Variants in CMKLR1 observed in about 807,000 individuals in gnomAD.
CMKLR1 encodes chemerin chemokine-like receptor 1, also known as chemerin-like receptor 1.
In CMKLR1, 6 loss-of-function variants were observed where a neutral mutation model predicts 8.2. The ratio of observed to expected loss-of-function variants is 0.73; its 90% CI spans 0.40 to 1.44. The LOEUF (loss-of-function observed/expected upper bound fraction) is 1.44, where lower values mean the gene tolerates loss of function less well. Among genes scored for constraint, CMKLR1 ranks in the 40% most tolerant of loss-of-function variants. CMKLR1 has a pLI of 0.02. For synonymous variants in CMKLR1, 178 were observed against 181.2 expected (o/e 0.98, Z 0.14); for missense variants, 429 against 478.0 (o/e 0.90, Z 0.96).
chr12:108,309,372 C>A (rs1281568715), intron 2 of CMKLR1, among the ~76,000 whole-genome samples: 1 of 152,120 alleles, frequency 6.6e-6, no homozygotes, highest in Admixed American at 6.5e-5. Context: ...CCTGAATACA[C>A]AGAGAGGGAG....
intron 2 of CMKLR1, among the ~76,000 whole-genome samples, chr12:108,317,275 G>A (rs1891757821): frequency 6.6e-6 from 1 of 152,196 alleles, no homozygotes. Flanking sequence ...GTGCTCTAGA[G>A]GTTCTCTTCA....
chr12:108,310,498 G>A (rs1290927068), intron 2 of CMKLR1, among the ~76,000 whole-genome samples: 1 of 152,170 alleles, frequency 6.6e-6, no homozygotes, highest in Non-Finnish European at 1.5e-5. Flanking sequence ...CCAGGCATCA[G>A]GATGTCCCAT....
chr12:108,311,838 CG>C (rs1291089664), intron 2 of CMKLR1, among the ~76,000 whole-genome samples: 3 of 152,122 alleles, frequency 2.0e-5, no homozygotes, highest in Admixed American at 6.5e-5. Flanking sequence ...GCTGGGGGCA[CG>C]GAAGGACTGC....
chr12:108,307,298 T>C (rs1323856751), intron 2 of CMKLR1, among the ~76,000 whole-genome samples: 3 of 152,176 alleles, frequency 2.0e-5, no homozygotes, highest in African/African-American at 7.2e-5. Flanking sequence ...GCACTTGGTG[T>C]GCTGTTCTGG....
intron 2 of CMKLR1, among the ~76,000 whole-genome samples, chr12:108,298,903 C>T (rs766103489): frequency 1.3e-5 from 2 of 152,224 alleles, no homozygotes; most frequent in Non-Finnish European, 2.9e-5. Flanking sequence ...CTGGGACGGT[C>T]CCAGGAGGGC....
In CMKLR1 at chr12:108,317,813, T is replaced by C. The variant is rs1426274992; in HGVS notation, c.-74+12182A>G. ...ATCTAAAACTATAGAAAGATTAGAA[T>C]GAAAAATCTTGCTCCTACCTGCCAC... On this transcript the variant is annotated intron_variant, in intron 2 of 3. Transcript: ENST00000550402. 4 of 152,328 alleles carry C rather than the reference T, an allele frequency of 2.6e-5. No individual in the cohort carries two copies. In the East Asian group the frequency reaches 7.7e-4, roughly 29 times the overall value. 9.4% of individuals were successfully genotyped at this position (152,328 alleles called of 1,614,324 possible). A position where few individuals can be genotyped will look rare whatever the true frequency, so the allele number is the denominator to read the frequency against.
intron 2 of CMKLR1, among the ~76,000 whole-genome samples, chr12:108,305,759 G>A (rs1014099569): frequency 6.6e-6 from 1 of 152,220 alleles, no homozygotes; most frequent in Non-Finnish European, 1.5e-5. Context: ...CCACATGTGG[G>A]AGCTCGCACT....
chr12:108,314,768 A>C (rs1891673128), intron 2 of CMKLR1, among the ~76,000 whole-genome samples: 1 of 151,842 alleles, frequency 6.6e-6, no homozygotes, highest in Non-Finnish European at 1.5e-5. Context: ...TTATTATTTT[A>C]ATTTTTGGAG....
At chr12:108,316,509 C>T (rs11113813) in intron 2 of CMKLR1, among the ~76,000 whole-genome samples, 3 of 151,904 alleles carry the variant, frequency 2.0e-5, no homozygotes, top group Admixed American at 2.0e-4. Context: ...AGAAGAAAGA[C>T]GAAGGCAGGG....
At chr12:108,316,387 C>T (rs886095404) in intron 2 of CMKLR1, among the ~76,000 whole-genome samples, 5 of 151,976 alleles carry the variant, frequency 3.3e-5, no homozygotes, top group Non-Finnish European at 7.4e-5. Context: ...TCAACGTAGA[C>T]AGAAAGAGAG....
chr12:108,320,199 G>A (rs1006268800), intron 2 of CMKLR1, among the ~76,000 whole-genome samples: 197 of 151,984 alleles, frequency 1.3e-3, no homozygotes, highest in African/African-American at 4.6e-3. Flanking sequence ...TGGAGAAGAA[G>A]GTTGTGAACT....
intron 2 of CMKLR1, among the ~76,000 whole-genome samples, chr12:108,304,349 G>C (rs1279251070): frequency 6.6e-6 from 1 of 152,160 alleles, no homozygotes; most frequent in African/African-American, 2.4e-5. Context: ...TCCCCTGCCG[G>C]TGTGTGTCCT....
chr12:108,326,979 T>C (rs1192639060), intron 2 of CMKLR1, among the ~76,000 whole-genome samples: 1 of 152,036 alleles, frequency 6.6e-6, no homozygotes, highest in African/African-American at 2.4e-5. Context: ...CTCTAATTTA[T>C]AAGTGAAAAA....
At chr12:108,300,716 A>G (rs949659834) in intron 2 of CMKLR1, among the ~76,000 whole-genome samples, 1 of 152,216 alleles carries the variant, frequency 6.6e-6, no homozygotes, top group African/African-American at 2.4e-5. Context: ...ATATTGGTGC[A>G]ATGGGGATAA....
At chr12:108,319,795 A>C (rs1891816857) in intron 2 of CMKLR1, among the ~76,000 whole-genome samples, 1 of 152,088 alleles carries the variant, frequency 6.6e-6, no homozygotes, top group South Asian at 2.1e-4. Flanking sequence ...TGGTTTAAAA[A>C]CAAAACAAAA....
At chr12:108,332,437 C>A (rs575256057) in intron 1 of CMKLR1, among the ~76,000 whole-genome samples, 3 of 152,278 alleles carry the variant, frequency 2.0e-5, no homozygotes, top group Admixed American at 1.3e-4. Flanking sequence ...ATTAATCCTG[C>A]ATGTGTCTGT....
At chr12:108,296,410 C>A (rs1270153132) in intron 2 of CMKLR1, among the ~76,000 whole-genome samples, 1 of 152,200 alleles carries the variant, frequency 6.6e-6, no homozygotes, top group Non-Finnish European at 1.5e-5. Context: ...CTCAGGCTTC[C>A]ACTCTTAACT....
At chr12:108,319,393 G>A (rs1891804850) in intron 2 of CMKLR1, among the ~76,000 whole-genome samples, 2 of 152,192 alleles carry the variant, frequency 1.3e-5, no homozygotes, top group South Asian at 2.1e-4. Context: ...GGAGGAGCTA[G>A]GACTTCAACC....
chr12:108,324,664 A>G (rs1304233190), intron 2 of CMKLR1, among the ~76,000 whole-genome samples: 1 of 152,186 alleles, frequency 6.6e-6, no homozygotes, highest in Admixed American at 6.5e-5. Context: ...TGCCCTCAAA[A>G]TAATTGTATG....
Sources: gnomAD v4.1 joint callset for allele counts (sites outside exome capture counted in the v4.1 genomes callset) on GRCh38, gnomAD v4.1.1 for gene constraint, MANE v1.5 for transcripts, NCBI Gene and HGNC (gene_info 2026-07-23, HGNC 2026-07-21) for gene names.